Variants in MCPH1 observed in about 807,000 individuals in gnomAD.
The protein encoded by MCPH1 is microcephalin.
A neutral mutation model predicts 84.5 loss-of-function variants in MCPH1; 104 were observed. The ratio of observed to expected loss-of-function variants is 1.23; its 90% CI spans 1.05 to 1.45. The LOEUF (loss-of-function observed/expected upper bound fraction) is 1.45. MCPH1 is among the 40% of genes most tolerant of loss of function. The pLI is 0.00. For missense variants in MCPH1, 1,498 were observed against 1,005.7 expected, an observed-to-expected ratio of 1.49 and a Z score of -6.62; for synonymous variants, 514 against 366.8, an observed-to-expected ratio of 1.40 and a Z score of -4.58.
intron 12 of MCPH1, among the ~76,000 whole-genome samples, chr8:6,505,351 CT>C (rs1363906057): frequency 9.2e-4 from 34 of 37,034 alleles, no homozygotes; most frequent in Middle Eastern, 0.031. Context: ...TATATATATT[CT>C]TTCTATATGT....
At chr8:6,626,474 G>GTTTTTTTTTTTTTTTTTTTT (rs71213328) in intron 13 of MCPH1, 6 of 925,362 alleles carry the variant, frequency 6.5e-6, no homozygotes, top group Non-Finnish European at 7.5e-6. Flanking sequence ...TTTTTGTTTT[G>GTTTTTTTTTTTTTTTTTTTT]TTTTTTTTTT....
chr8:6,565,010 A>G (rs1255251021), intron 12 of MCPH1, among the ~76,000 whole-genome samples: 2 of 152,214 alleles, frequency 1.3e-5, no homozygotes, highest in East Asian at 3.8e-4. Flanking sequence ...GGTTCTGGAC[A>G]TGGTTTCCAC....
At chr8:6,440,629 G>T (rs1320356529) in intron 6 of MCPH1, among the ~76,000 whole-genome samples, 1 of 152,140 alleles carries the variant, frequency 6.6e-6, no homozygotes, top group African/African-American at 2.4e-5. Flanking sequence ...AAACTGAATG[G>T]CATTAGCCTG....
chr8:6,409,976 A>ATTTTTTTTTTTTTTTTTTTTTTTT (rs34420641), intron 2 of MCPH1, among the ~76,000 whole-genome samples: 2 of 147,584 alleles, frequency 1.4e-5, no homozygotes, highest in Admixed American at 6.7e-5. Context: ...GTAGGGAGTA[A>ATTTTTTTTTTTTTTTTTTTTTTTT]TTTTTTTTTT....
intron 13 of MCPH1, chr8:6,625,340 G>T: frequency 1.0e-6 from 1 of 985,432 alleles, no homozygotes; most frequent in Non-Finnish European, 1.2e-6. Context: ...GGTATCCATG[G>T]ATGTGTCCTC....
At chr8:6,554,923 G>C (rs13262156) in intron 12 of MCPH1, among the ~76,000 whole-genome samples, 6,223 of 152,264 alleles carry the variant, frequency 0.041, 177 homozygotes, top group Middle Eastern at 0.082. Flanking sequence ...GATTAGGACA[G>C]AAAAGAAAGG....
rs199807833 is a variant in MCPH1 at position 6,485,919 on chromosome 8, C to T, written c.2136+5043C>T. ...GGAGTATTGATGTTCACAGGTTGCT[C>T]CTGACTTGCACCCTCAAAAAGTTTA... On this transcript the variant is annotated intron_variant, in intron 11 of 13. Transcript: ENST00000344683. 5.3e-5 allele frequency among the ~76,000 whole-genome samples: 8 copies of T among 152,286 alleles called. No homozygotes were observed. In the East Asian group the frequency reaches 1.5e-3, roughly 29 times the overall value.
chr8:6,643,420 A>C lies in MCPH1; in HGVS notation c.*371A>C, dbSNP rs936568419. 1.4e-5 allele frequency: 4 copies of C among 278,462 alleles called. No individual in the cohort carries two copies. Among genetic ancestry groups the C allele is most frequent in the Non-Finnish European group, 2.8e-5 (4 of 144,116 alleles). The allele number at this position is 278,462 out of a possible 1,614,324, so 17.2% of individuals were successfully genotyped here. ...GCTGGGATTACAGATGTGTGCCACCATGCCTGGCTAATTTTTGTAGTTTTA... is the reference window on the plus strand; with the variant it reads ...GCTGGGATTACAGATGTGTGCCACCCTGCCTGGCTAATTTTTGTAGTTTTA... On this transcript the variant is annotated 3_prime_UTR_variant, in exon 14 of 14. Transcript: ENST00000344683.
intron 12 of MCPH1, among the ~76,000 whole-genome samples, chr8:6,541,185 A>C (rs1431211472): frequency 6.6e-6 from 1 of 152,176 alleles, no homozygotes; most frequent in African/African-American, 2.4e-5. Flanking sequence ...GCAGCACAAG[A>C]GGGTGAATTC....
intron 12 of MCPH1, among the ~76,000 whole-genome samples, chr8:6,511,340 G>T (rs1815050280): frequency 6.6e-6 from 1 of 151,906 alleles, no homozygotes; most frequent in Non-Finnish European, 1.5e-5. Context: ...TTATATAACA[G>T]TGGAGTAAAG....
chr8:6,611,112 ACT>A (rs997299256), intron 12 of MCPH1, among the ~76,000 whole-genome samples: 44 of 142,340 alleles, frequency 3.1e-4, no homozygotes, highest in Non-Finnish European at 5.4e-4. Context: ...ATACACACAC[ACT>A]CTCTCACACA....
intron 4 of MCPH1, among the ~76,000 whole-genome samples, chr8:6,432,480 A>G (rs1801993268): frequency 6.6e-6 from 1 of 152,232 alleles, no homozygotes; most frequent in Non-Finnish European, 1.5e-5. Context: ...TTCATTTGAG[A>G]TAGAATTCAC....
intron 9 of MCPH1, among the ~76,000 whole-genome samples, chr8:6,463,529 C>A (rs1806512189): frequency 6.6e-6 from 1 of 152,096 alleles, no homozygotes; most frequent in South Asian, 2.1e-4. Flanking sequence ...GGTGTAGCAT[C>A]CCCAGAGAAG....
chr8:6,442,725 A>C (rs187876026), intron 7 of MCPH1, among the ~76,000 whole-genome samples: 1 of 152,294 alleles, frequency 6.6e-6, no homozygotes, highest in East Asian at 1.9e-4. Context: ...CAAATTTCTT[A>C]CAGTTTCTTC....
chr8:6,632,991 C>G (rs959063135), intron 13 of MCPH1, among the ~76,000 whole-genome samples: 6 of 149,526 alleles, frequency 4.0e-5, no homozygotes, highest in African/African-American at 1.2e-4. Flanking sequence ...TGTTAAAAAG[C>G]AGTAGGGAAG....
intron 10 of MCPH1, among the ~76,000 whole-genome samples, chr8:6,480,333 C>T (rs943142235): frequency 2.0e-5 from 3 of 151,980 alleles, no homozygotes; most frequent in African/African-American, 4.8e-5. Flanking sequence ...ACCATGTTGG[C>T]TAGGCTGATC....
At chr8:6,533,497 C>A (rs1819916794) in intron 12 of MCPH1, among the ~76,000 whole-genome samples, 1 of 148,416 alleles carries the variant, frequency 6.7e-6, no homozygotes, top group African/African-American at 2.5e-5. Flanking sequence ...AGAGGAGTGT[C>A]TTAAAGAGGG....
chr8:6,426,283 C>G (rs59033282), intron 3 of MCPH1, among the ~76,000 whole-genome samples: 1,830 of 152,282 alleles, frequency 0.012, 41 homozygotes, highest in African/African-American at 0.043. Flanking sequence ...ACCACCACAA[C>G]CAAAATACAG....
intron 12 of MCPH1, among the ~76,000 whole-genome samples, chr8:6,510,112 A>G (rs1200036970): frequency 1.3e-5 from 2 of 152,078 alleles, no homozygotes; most frequent in Non-Finnish European, 2.9e-5. Flanking sequence ...ACCAGCAAGG[A>G]GCATATAAGG....
Sources: gnomAD v4.1 joint callset for allele counts (sites outside exome capture counted in the v4.1 genomes callset) on GRCh38, gnomAD v4.1.1 for gene constraint, MANE v1.5 for transcripts, NCBI Gene and HGNC (gene_info 2026-07-23, HGNC 2026-07-21) for gene names.